The following PCDHGB7 variants were observed in gnomAD, a reference collection of about 807,000 sequenced individuals.
PCDHGB7 encodes protocadherin gamma subfamily B, 7.
PCDHGB7 carries 37 observed loss-of-function variants against 61.4 expected under a neutral mutation model. That is an observed-to-expected ratio of 0.60 (90% confidence interval 0.46 to 0.79). The LOEUF (loss-of-function observed/expected upper bound fraction) is 0.79, where lower values mean the gene tolerates loss of function less well. PCDHGB7 is among the 30% of genes least tolerant of loss of function. PCDHGB7 has a pLI of 0.00. For missense variants in PCDHGB7, 1,166 were observed against 1,202.5 expected (o/e 0.97, Z 0.45); for synonymous variants, 464 against 503.5 (o/e 0.92, Z 1.05).
rs750200042 is a variant in PCDHGB7, at chr5:141,418,821, C to G, written c.962C>G (p.Ala321Gly). 1 of 1,613,846 alleles carries G rather than the reference C, an allele frequency of 6.2e-7. No individual in the cohort carries two copies. Among genetic ancestry groups the G allele is most frequent in the Non-Finnish European group, 8.5e-7 (1 of 1,179,772 alleles). Residue 321 changes from alanine (A) to glycine (G), a missense_variant, in exon 1 of 4, where the codon GCA becomes GGA. By Grantham distance (60) the Ala-to-Gly change is moderately conservative (BLOSUM62 0). Transcript: ENST00000398594. ...EVERYTINIE[A>G]KDRGSLSTRC... Reference sequence around the variant, plus strand: ...GAAAGATATACGATAAACATAGAAGCAAAAGACCGAGGATCTCTCTCAACA... The same window carrying G: ...GAAAGATATACGATAAACATAGAAGGAAAAGACCGAGGATCTCTCTCAACA...
intron 1 of PCDHGB7, chr5:141,440,034 A>T (rs995962283): frequency 6.5e-6 from 1 of 153,052 alleles, no homozygotes; most frequent in African/African-American, 2.4e-5. Context: ...AGTGTCGAGG[A>T]CATGCCCACT....
chr5:141,451,182 C>T (rs2154563496), intron 1 of PCDHGB7, among the ~76,000 whole-genome samples: 1 of 152,226 alleles, frequency 6.6e-6, no homozygotes, highest in Non-Finnish European at 1.5e-5. Flanking sequence ...TTAGCCATTG[C>T]TGTGTAACAA....
In PCDHGB7 at chr5:141,486,435, A is replaced by G. The variant is rs2099629501; in HGVS notation, c.2416-8372A>G. The G allele has an allele frequency of 6.2e-7, 1 of 1,614,118 alleles. No homozygotes were observed. Among genetic ancestry groups the G allele is most frequent in the Non-Finnish European group, 8.5e-7 (1 of 1,179,960 alleles). ...TTGGATCGAGAGGCCAAATCTAGCT[A>G]TGACATCATGGTCACTGCTTCTGAT... is the stretch of plus-strand genomic sequence containing the variant. On this transcript the variant is annotated intron_variant, in intron 1 of 3. Coordinates refer to ENST00000398594, the MANE Select transcript of PCDHGB7 (RefSeq NM_018927.4). This position sits in a 1 kb window ranked among gnomAD's most constrained non-coding sequence, Gnocchi z 5.0.
chr5:141,476,562 C>A lies in PCDHGB7; in HGVS notation c.2416-18245C>A. On this transcript the variant is annotated intron_variant, in intron 1 of 3. Transcript: ENST00000398594. This position sits in a 1 kb window ranked among gnomAD's most constrained non-coding sequence, Gnocchi z 7.6. ...AAATTGGAGATTAGCGAGGCCGTGG[C>A]TCCGGGGACGCGCTTTCCGCTCGAG... 1 of 1,614,218 alleles carries A rather than the reference C, an allele frequency of 6.2e-7. No homozygotes were observed. The highest frequency in any genetic ancestry group is 8.5e-7 in the Non-Finnish European group (1 of 1,180,034).
Position 141,419,145 on chromosome 5 carries a change from A to T in PCDHGB7, c.1286A>T (p.Lys429Met). ...ACCATCGCAGCCACAGACAGGGGCA[A>T]GCCTCCGTTATCCTCCAGCAAAACC... ...NVTIAATDRG[K>M]PPLSSSKTIT... The change falls in exon 1 of 4, where the codon AAG becomes ATG. Residue 429 changes from lysine (K) to methionine (M), a missense_variant. Coordinates refer to ENST00000398594, the MANE Select transcript of PCDHGB7 (RefSeq NM_018927.4). 6.2e-7 allele frequency: 1 copy of T among 1,613,940 alleles called. No individual in the cohort carries two copies. The highest frequency in any genetic ancestry group is 8.5e-7 in the Non-Finnish European group (1 of 1,179,896).
intron 1 of PCDHGB7, chr5:141,422,865 C>G: frequency 1.2e-6 from 2 of 1,614,244 alleles, no homozygotes; most frequent in Non-Finnish European, 1.7e-6. Context: ...TCAGCAGCAA[C>G]GTGTCGCTGA....
chr5:141,467,409 C>T (rs2099143590), intron 1 of PCDHGB7, among the ~76,000 whole-genome samples: 1 of 152,132 alleles, frequency 6.6e-6, no homozygotes, highest in South Asian at 2.1e-4. Context: ...GAAAGCCTTT[C>T]CCCACACCTA....
intron 2 of PCDHGB7, among the ~76,000 whole-genome samples, chr5:141,500,815 A>G (rs2099802742): frequency 6.6e-6 from 1 of 152,196 alleles, no homozygotes; most frequent in African/African-American, 2.4e-5. Context: ...ATGAATATAC[A>G]TATTATTTTT....
At chr5:141,480,511 A>G (rs2099520888) in intron 1 of PCDHGB7, among the ~76,000 whole-genome samples, 1 of 127,378 alleles carries the variant, frequency 7.9e-6, no homozygotes, top group African/African-American at 3.6e-5. Context: ...ATATGAGAAC[A>G]ACCAAAAATG....
At chr5:141,459,984 A>G (rs906041823) in intron 1 of PCDHGB7, among the ~76,000 whole-genome samples, 4 of 152,216 alleles carry the variant, frequency 2.6e-5, no homozygotes, top group Non-Finnish European at 5.9e-5. Flanking sequence ...AGGCTGAGAC[A>G]GGAGAATCGC....
At chr5:141,468,428 T>C (rs936671539) in intron 1 of PCDHGB7, 11 of 151,374 alleles carry the variant, frequency 7.3e-5, no homozygotes, top group Non-Finnish European at 1.3e-4. Context: ...AGCAAGGTAA[T>C]AGCAAAATGT....
chr5:141,441,927 G>A (rs2098285195), intron 1 of PCDHGB7: 2 of 354,242 alleles, frequency 5.6e-6, no homozygotes, highest in Non-Finnish European at 1.1e-5. Flanking sequence ...ACAATGCGTG[G>A]CTGTCCTACC....
intron 1 of PCDHGB7, among the ~76,000 whole-genome samples, chr5:141,464,748 T>A (rs995568259): frequency 2.0e-5 from 3 of 152,190 alleles, no homozygotes; most frequent in Admixed American, 2.0e-4. Flanking sequence ...TATCTTTTTG[T>A]TTTTTTAGAG....
chr5:141,435,409 G>A (rs1387678336), intron 1 of PCDHGB7, among the ~76,000 whole-genome samples: 1 of 152,066 alleles, frequency 6.6e-6, no homozygotes, highest in African/African-American at 2.4e-5. Context: ...AAATGGTAAA[G>A]ACTATTTTTC....
chr5:141,505,634 A>T, intron 3 of PCDHGB7, 153 bp downstream of exon 3: 6 of 971,426 alleles, frequency 6.2e-6, no homozygotes, highest in Non-Finnish European at 7.3e-6. Context: ...CCAAACATAA[A>T]GCCTGGAATT....
intron 1 of PCDHGB7, chr5:141,422,218 A>T: frequency 1.3e-6 from 2 of 1,564,130 alleles, no homozygotes; most frequent in Non-Finnish European, 8.6e-7. Flanking sequence ...TCTCTTTACC[A>T]CCACGACGAT....
At chr5:141,449,148 T>C (rs570694341) in intron 1 of PCDHGB7, among the ~76,000 whole-genome samples, 20 of 152,268 alleles carry the variant, frequency 1.3e-4, no homozygotes, top group African/African-American at 4.8e-4. Flanking sequence ...AATTGCTGGG[T>C]CAAAGAGGAA....
intron 3 of PCDHGB7, 93 bp downstream of exon 3, chr5:141,505,574 C>G: frequency 6.3e-7 from 1 of 1,593,636 alleles, no homozygotes; most frequent in South Asian, 1.1e-5. Flanking sequence ...GGATGTCAAA[C>G]CTGTGTAGTT....
chr5:141,425,337 G>A (rs1327677274), intron 1 of PCDHGB7, among the ~76,000 whole-genome samples: 1 of 152,186 alleles, frequency 6.6e-6, no homozygotes. Flanking sequence ...AAAAAGGAAG[G>A]GTTGGCTTTG....
Sources: allele counts gnomAD v4.1 joint callset (sites outside exome capture counted in the v4.1 genomes callset), GRCh38; gene constraint gnomAD v4.1.1; non-coding constraint Gnocchi (gnomAD v3.1); transcripts MANE v1.5; gene names NCBI Gene and HGNC (gene_info 2026-07-23, HGNC 2026-07-21).